The following SH2D3A variants were observed in gnomAD, a reference collection of about 807,000 sequenced individuals.
SH2D3A encodes the protein SH2 domain containing 3A, also known as SH2 domain-containing protein 3A.
SH2D3A carries 46 observed loss-of-function variants against 50.6 expected under a neutral mutation model. The ratio of observed to expected loss-of-function variants is 0.91; its 90% CI spans 0.72 to 1.16. The LOEUF is 1.16. Among genes scored for constraint, SH2D3A ranks in the 50% most tolerant of loss-of-function variants. SH2D3A has a pLI of 0.00. For synonymous variants in SH2D3A, 377 were observed against 348.4 expected (o/e 1.08, Z -0.91); for missense variants, 783 against 786.2 (o/e 1.00, Z 0.05).
chr19:6,763,128 A>G (rs1175433963), intron 2 of SH2D3A, among the ~76,000 whole-genome samples: 1 of 151,680 alleles, frequency 6.6e-6, no homozygotes, highest in Admixed American at 6.6e-5. Context: ...CAGTGGCACA[A>G]TTGTGGCTCA....
chr19:6,764,851 G>A (rs1970221059), intron 1 of SH2D3A, among the ~76,000 whole-genome samples: 2 of 149,120 alleles, frequency 1.3e-5, no homozygotes, highest in South Asian at 2.1e-4. Context: ...GACTATGAGC[G>A]TGGGCCACTG....
At chr19:6,759,350 T>C (rs1168175844) in intron 4 of SH2D3A, 1 of 368,144 alleles carries the variant, frequency 2.7e-6, no homozygotes, top group African/African-American at 2.1e-5. Context: ...TGACCTCAAG[T>C]GATCCACCGG....
At chr19:6,759,988 C>A (rs1183787268) in intron 3 of SH2D3A, among the ~76,000 whole-genome samples, 2 of 152,188 alleles carry the variant, frequency 1.3e-5, no homozygotes, top group African/African-American at 4.8e-5. Flanking sequence ...ACCTGTAATC[C>A]CAGCACTATG....
chr19:6,764,988 G>A (rs3845204), intron 1 of SH2D3A, among the ~76,000 whole-genome samples: 32,820 of 148,372 alleles, frequency 0.22, 3,699 homozygotes, highest in African/African-American at 0.27. Flanking sequence ...AGCAATTCTC[G>A]TGCATCGGCC....
chr19:6,761,853 G>A (rs568342336), intron 2 of SH2D3A, among the ~76,000 whole-genome samples: 417 of 151,934 alleles, frequency 2.7e-3, no homozygotes, highest in Non-Finnish European at 4.9e-3. Context: ...GGAGGCTGAG[G>A]TGGGAGAATC....
At chr19:6,753,346 G>A (rs1969435169) in intron 9 of SH2D3A, 110 bp downstream of exon 9, 3 of 1,398,258 alleles carry the variant, frequency 2.1e-6, no homozygotes, top group East Asian at 2.7e-5. Context: ...GTGGGGCTCC[G>A]GGAGGCGTGG....
At position 6,755,236 on chromosome 19, in the gene SH2D3A, TC is replaced by T; in HGVS notation, c.575del (p.Gly192GlufsTer133). On this transcript the variant is annotated frameshift_variant, in exon 5 of 10. Transcript: ENST00000245908. LOFTEE classifies it high-confidence loss of function. Reference protein sequence around the residue: ...PVLLKAPAPLGTVADSLRASD... With the variant: ...PVLLKAPAPLXTVADSLRASD... ...AGGCCCTGAGACTGTCGGCAACAGT[TC>T]CCAGGGGAGCAGGGGCCTTCAGCAA... 2 of 1,542,160 alleles carry T rather than the reference TC, an allele frequency of 1.3e-6. No individual in the cohort carries two copies. Among genetic ancestry groups the T allele is most frequent in the Non-Finnish European group, 1.7e-6 (2 of 1,143,804 alleles).
rs769405252 is a variant in SH2D3A at position 6,754,352 on chromosome 19, C to G, written c.1171G>C (p.Ala391Pro). The G allele has an allele frequency of 1.2e-5, 19 of 1,567,790 alleles. 1 individual carries two copies. In the South Asian group the frequency reaches 1.8e-4, roughly 15 times the overall value. ...GCCAGCTCTACCAGTCCCCTCAGTG[C>G]GGCTGCGCGCTCCTCCAGCGGCCCC... is the stretch of plus-strand genomic sequence containing the variant. ...CSGPLEERAA[A>P]LRGLVELALA... The change falls in exon 7 of 10, where the codon GCA becomes CCA. Residue 391 changes from alanine (A) to proline (P), a missense_variant. By Grantham distance (27) the Ala-to-Pro change is conservative. Coordinates refer to ENST00000245908, the MANE Select transcript of SH2D3A (RefSeq NM_005490.3).
chr19:6,753,333 T>C (rs1398502376), intron 9 of SH2D3A, 123 bp downstream of exon 9: 2 of 1,396,490 alleles, frequency 1.4e-6, no homozygotes, highest in East Asian at 2.7e-5. Context: ...CGTCCCAGTT[T>C]GGGTGGGGCT....
intron 9 of SH2D3A, 110 bp from the exon 10 acceptor site, chr19:6,752,863 G>A: frequency 2.8e-6 from 4 of 1,417,748 alleles, no homozygotes; most frequent in East Asian, 2.6e-5. Flanking sequence ...ACAGGGGCCC[G>A]GGAGGGACCT....
At chr19:6,753,201 G>GT in intron 9 of SH2D3A, 2 of 985,348 alleles carry the variant, frequency 2.0e-6, no homozygotes, top group Non-Finnish European at 2.4e-6. Context: ...GGAAGGGGGA[G>GT]TGGGGACCCG....
In SH2D3A at chr19:6,760,622, G is replaced by C; in HGVS notation, c.419+16C>G. ...AGTGTTGGGTGTTCTCAAGGAGGCAGGGAGACTGTGAGTACCTGAGAGGCT... is the reference window on the plus strand; with the variant it reads ...AGTGTTGGGTGTTCTCAAGGAGGCACGGAGACTGTGAGTACCTGAGAGGCT... On this transcript the variant is annotated intron_variant, in intron 3 of 9. Coordinates refer to ENST00000245908, the MANE Select transcript of SH2D3A (RefSeq NM_005490.3). The C allele has an allele frequency of 1.3e-6, 2 of 1,530,546 alleles. No homozygotes were observed. Among genetic ancestry groups the C allele is most frequent in the South Asian group, 2.5e-5 (2 of 79,198 alleles). The allele number at this position is 1,530,546 out of a possible 1,614,324, so 94.8% of individuals were successfully genotyped here. A position where few individuals can be genotyped will look rare whatever the true frequency, so the allele number is the denominator to read the frequency against.
At chr19:6,756,982 T>G (rs1969719168) in intron 4 of SH2D3A, among the ~76,000 whole-genome samples, 1 of 152,142 alleles carries the variant, frequency 6.6e-6, no homozygotes, top group African/African-American at 2.4e-5. Context: ...GTGATTCTCC[T>G]GCTTCAGCCT....
At chr19:6,756,860 GTTCC>G (rs776015516) in intron 4 of SH2D3A, among the ~76,000 whole-genome samples, 5 of 150,850 alleles carry the variant, frequency 3.3e-5, no homozygotes, top group Non-Finnish European at 4.4e-5. Context: ...CCCTCCCTTC[GTTCC>G]TTCCTTCCTT....
intron 3 of SH2D3A, among the ~76,000 whole-genome samples, chr19:6,759,988 C>T (rs1183787268): frequency 6.6e-6 from 1 of 152,188 alleles, no homozygotes; most frequent in Admixed American, 6.6e-5. Flanking sequence ...ACCTGTAATC[C>T]CAGCACTATG....
rs368124307 is a variant in SH2D3A at position 6,754,729 on chromosome 19, G to A, written c.984C>T (p.Ala328=). Residue 328 remains alanine (A), a splice_region_variant and synonymous_variant, in exon 6 of 10, where the codon GCC becomes GCT. Coordinates refer to ENST00000245908, the MANE Select transcript of SH2D3A (RefSeq NM_005490.3). The stretch of plus-strand genomic sequence containing the variant: ...CTCTGGTCACTCCCAGGAGGCCTGT[G>A]GCCTGCAGAAGGGAATGGGGAAGTC... ...ALHLLLVDCQ[A]TGLLGVTRDQ... is the part of the protein sequence containing the mutation. 6 of 1,613,896 alleles carry A rather than the reference G, an allele frequency of 3.7e-6. No individual in the cohort carries two copies. Among genetic ancestry groups the A allele is most frequent in the African/African-American group, 1.3e-5 (1 of 75,042 alleles).
In SH2D3A at chr19:6,754,681, G is replaced by C; in HGVS notation, c.1032C>G (p.Val344=). The C allele has an allele frequency of 6.2e-7, 1 of 1,614,218 alleles. No individual in the cohort carries two copies. The highest frequency in any genetic ancestry group is 8.5e-7 in the Non-Finnish European group (1 of 1,180,038). The change falls in exon 6 of 10, where the codon GTC becomes GTG. Residue 344 remains valine (V), a synonymous_variant. Transcript: ENST00000245908. ...VTRDQRGNMG[V]SSGLELLTLP... is the part of the protein sequence containing the mutation. ...GAGTGAGCAGCTCCAGGCCAGATGA[G>C]ACTCCCATGTTGCCCCGCTGATCTC... is the stretch of plus-strand genomic sequence containing the variant.
At chr19:6,763,848 G>A (rs1271328293) in intron 1 of SH2D3A, 32 bp from the exon 2 acceptor site, 14 of 792,578 alleles carry the variant, frequency 1.8e-5, no homozygotes, top group Middle Eastern at 2.9e-4. Context: ...CCCTGCTTGA[G>A]TGTCTGGGTC....
At position 6,755,005 on chromosome 19, in the gene SH2D3A, T is replaced by A. The variant is rs1419117332; in HGVS notation, c.807A>T (p.Arg269Ser). Residue 269 changes from arginine (R) to serine (S), a missense_variant, in exon 5 of 10, where the codon AGA (arginine) becomes AGT (serine). Arg to Ser is a moderately radical substitution (Grantham distance 110). Coordinates refer to ENST00000245908, the MANE Select transcript of SH2D3A (RefSeq NM_005490.3). ...EAEEDEEEEN[R>S]CFTRPQAEIS... The stretch of plus-strand genomic sequence containing the variant: ...TCTCAGCCTGTGGTCTTGTAAAACA[T>A]CTATTCTCTTCCTCCTCATCCTCCT... 1 of 1,613,884 alleles carries A rather than the reference T, an allele frequency of 6.2e-7. No homozygotes were observed. The highest frequency in any genetic ancestry group is 1.1e-5 in the South Asian group (1 of 91,072).
Sources: gnomAD v4.1 joint callset for allele counts (sites outside exome capture counted in the v4.1 genomes callset) on GRCh38, gnomAD v4.1.1 for gene constraint, MANE v1.5 for transcripts, NCBI Gene and HGNC (gene_info 2026-07-23, HGNC 2026-07-21) for gene names.